The following DOCK4 variants were observed in gnomAD, a reference collection of about 807,000 sequenced individuals.
The protein encoded by DOCK4 is dedicator of cytokinesis protein 4.
Under a neutral mutation model 268.1 loss-of-function variants are expected in DOCK4, and 97 were observed. That is an observed-to-expected ratio of 0.36 (90% CI 0.31 to 0.43). The LOEUF (loss-of-function observed/expected upper bound fraction) is 0.43. DOCK4 is among the 20% of genes least tolerant of loss of function. DOCK4 has a pLI of 1.00. For missense variants in DOCK4, 2,145 were observed against 2,455.7 expected, an observed-to-expected ratio of 0.87 and a Z score of 2.67; for synonymous variants, 954 against 887.2, an observed-to-expected ratio of 1.08 and a Z score of -1.34.
chr7:112,202,019 T>C (rs1820984623), intron 1 of DOCK4, among the ~76,000 whole-genome samples: 1 of 152,214 alleles, frequency 6.6e-6, no homozygotes, highest in African/African-American at 2.4e-5. Flanking sequence ...TGACAGGATT[T>C]TCCCCTTTTT....
At chr7:111,869,532 C>G (rs778182015) in intron 21 of DOCK4, 42 bp downstream of exon 21, 6 of 1,584,912 alleles carry the variant, frequency 3.8e-6, no homozygotes, top group East Asian at 4.5e-5. Flanking sequence ...CAGCATGCAA[C>G]AGCTTTGTTA....
At chr7:111,736,769 T>C in intron 50 of DOCK4, 148 bp downstream of exon 50, 3 of 741,980 alleles carry the variant, frequency 4.0e-6, no homozygotes, top group Non-Finnish European at 7.0e-6. Flanking sequence ...TGAATAACTG[T>C]CTTTCATTAA....
intron 2 of DOCK4, among the ~76,000 whole-genome samples, chr7:112,001,910 C>T (rs1298745275): frequency 6.6e-6 from 1 of 152,138 alleles, no homozygotes; most frequent in Non-Finnish European, 1.5e-5. Flanking sequence ...ATCAATTTTG[C>T]AGCACTATCC....
At chr7:111,973,156 C>CATGCAT (rs1554399516) in intron 8 of DOCK4, among the ~76,000 whole-genome samples, 1 of 114,062 alleles carries the variant, frequency 8.8e-6, no homozygotes, top group Non-Finnish European at 1.7e-5. Context: ...TATTCCATGG[C>CATGCAT]ATATATATAT....
At chr7:112,143,404 G>A (rs1815118482) in intron 1 of DOCK4, among the ~76,000 whole-genome samples, 1 of 152,024 alleles carries the variant, frequency 6.6e-6, no homozygotes, top group Admixed American at 6.6e-5. Flanking sequence ...GCAATTCTTT[G>A]AATATTTATA....
chr7:112,174,635 AT>A (rs1341282270), intron 1 of DOCK4, among the ~76,000 whole-genome samples: 2 of 152,128 alleles, frequency 1.3e-5, no homozygotes. Flanking sequence ...AACAGTAAGT[AT>A]TATTGTTACT....
At chr7:111,974,353 T>G (rs1477725300) in intron 8 of DOCK4, among the ~76,000 whole-genome samples, 2 of 152,110 alleles carry the variant, frequency 1.3e-5, no homozygotes, top group Non-Finnish European at 2.9e-5. Context: ...TTCATTTTTT[T>G]GCCAATCACC....
chr7:111,903,805 T>C (rs1207009752), intron 13 of DOCK4, among the ~76,000 whole-genome samples: 4 of 152,174 alleles, frequency 2.6e-5, no homozygotes, highest in Non-Finnish European at 2.9e-5. Flanking sequence ...ATCAAGATAC[T>C]TTAGAGCAAA....
Position 112,183,656 on chromosome 7 carries a change from T to C in DOCK4, c.37+22446A>G, listed in dbSNP as rs565965718. Among the ~76,000 whole-genome samples, 5 of 152,290 alleles carry C rather than the reference T, an allele frequency of 3.3e-5. No individual in the cohort carries two copies. The South Asian group carries it at 8.3e-4, about 25-fold the overall frequency. ...GCCAGGAGGGCTGTCCAATCACTCA[T>C]TTATCAAAAGCAACACATTTCCAAA... is the stretch of plus-strand genomic sequence containing the variant. On this transcript the variant is annotated intron_variant, in intron 1 of 52. Coordinates refer to ENST00000428084, the MANE Select transcript of DOCK4 (RefSeq NM_001363540.2).
chr7:111,816,667 T>G (rs1801579617), intron 27 of DOCK4, among the ~76,000 whole-genome samples: 1 of 152,186 alleles, frequency 6.6e-6, no homozygotes, highest in Non-Finnish European at 1.5e-5. Context: ...TGGCCTTTTT[T>G]ACCACTGCAT....
intron 1 of DOCK4, among the ~76,000 whole-genome samples, chr7:112,019,238 TAC>T (rs945175927): frequency 1.8e-4 from 28 of 152,206 alleles, no homozygotes; most frequent in African/African-American, 5.8e-4. Flanking sequence ...TGCAAGAATT[TAC>T]AGATAATTCC....
intron 11 of DOCK4, among the ~76,000 whole-genome samples, chr7:111,936,755 G>C (rs981026332): frequency 4.6e-5 from 7 of 152,140 alleles, no homozygotes; most frequent in Non-Finnish European, 7.4e-5. Flanking sequence ...CACAGCGCAG[G>C]TTCTGTTTCC....
intron 30 of DOCK4, among the ~76,000 whole-genome samples, chr7:111,792,494 T>G (rs1799615713): frequency 6.6e-6 from 1 of 152,144 alleles, no homozygotes; most frequent in African/African-American, 2.4e-5. Context: ...GTGATTCTCC[T>G]GCCTCAGCCT....
intron 1 of DOCK4, among the ~76,000 whole-genome samples, chr7:112,006,800 T>C (rs1034263603): frequency 1.2e-4 from 18 of 152,216 alleles, no homozygotes; most frequent in African/African-American, 4.3e-4. Context: ...TGTCTCCACC[T>C]GCAACAGCCA....
chr7:111,733,134 G>A (rs942530307), intron 51 of DOCK4, among the ~76,000 whole-genome samples: 4 of 152,094 alleles, frequency 2.6e-5, no homozygotes, highest in African/African-American at 4.8e-5. Flanking sequence ...TGGGTATGTC[G>A]CTCTGTGATT....
At chr7:111,769,339 A>G (rs1399075575) in intron 37 of DOCK4, among the ~76,000 whole-genome samples, 190 bp downstream of exon 37, 1 of 152,200 alleles carries the variant, frequency 6.6e-6, no homozygotes, top group African/African-American at 2.4e-5. Context: ...CAGAATCAAA[A>G]TGAATCAGAA....
At chr7:111,739,088 C>A (rs1252115117) in intron 49 of DOCK4, 46 bp downstream of exon 49, 1 of 1,540,160 alleles carries the variant, frequency 6.5e-7, no homozygotes, top group African/African-American at 1.4e-5. Flanking sequence ...GTAAGCAATT[C>A]CAGAATTGTC....
chr7:111,834,797 G>A (rs1470543247), intron 25 of DOCK4, 111 bp from the exon 26 acceptor site: 8 of 693,124 alleles, frequency 1.2e-5, no homozygotes, highest in South Asian at 5.4e-5. Flanking sequence ...ATGAAATCAC[G>A]ATGATCCAAA....
rs188396133 is a variant in DOCK4 at position 111,748,483 on chromosome 7, C to T, written c.4417-1040G>A. ...TTAAACAACCACTTACAAAGGAATA[C>T]ATTCAAATGGCCAGTAAACAAATAA... On this transcript the variant is annotated intron_variant, in intron 42 of 52. Coordinates refer to ENST00000428084, the MANE Select transcript of DOCK4 (RefSeq NM_001363540.2). Among the ~76,000 whole-genome samples the T allele has an allele frequency of 3.7e-4, 56 of 152,280 alleles. 2 individuals carry two copies. Among genetic ancestry groups the T allele is most frequent in the African/African-American group, 1.2e-3 (51 of 41,566 alleles).
Sources: allele counts gnomAD v4.1 joint callset (sites outside exome capture counted in the v4.1 genomes callset), GRCh38; gene constraint gnomAD v4.1.1; transcripts MANE v1.5; gene names NCBI Gene and HGNC (gene_info 2026-07-23, HGNC 2026-07-21).